The following STAU2 variants were observed in gnomAD, a reference collection of about 807,000 sequenced individuals.
STAU2 encodes the protein double-stranded RNA-binding protein Staufen homolog 2.
Under a neutral mutation model 65.9 loss-of-function variants are expected in STAU2, and 20 were observed. The ratio of observed to expected loss-of-function variants is 0.30; its 90% CI spans 0.21 to 0.44. STAU2 has a LOEUF of 0.44. STAU2 is among the 20% of genes least tolerant of loss of function. The probability of loss-of-function intolerance (pLI) is 1.00; values close to 1 mark genes in which losing one functional copy is unlikely to be tolerated. For synonymous variants in STAU2, 232 were observed against 233.9 expected (o/e 0.99, Z 0.07); for missense variants, 558 against 683.9 (o/e 0.82, Z 2.05).
At chr8:73,692,475 C>T (rs528155202) in intron 4 of STAU2, among the ~76,000 whole-genome samples, 5 of 152,286 alleles carry the variant, frequency 3.3e-5, no homozygotes, top group South Asian at 2.1e-4. Context: ...GGATTACAGG[C>T]GTGAGCCACC....
chr8:73,690,854 G>T (rs1021873382), intron 4 of STAU2, among the ~76,000 whole-genome samples: 1 of 152,064 alleles, frequency 6.6e-6, no homozygotes, highest in African/African-American at 2.4e-5. Flanking sequence ...TTCTAATTCA[G>T]TTTAAAATAT....
chr8:73,692,015 G>C (rs1335171500), intron 4 of STAU2, among the ~76,000 whole-genome samples: 2 of 152,068 alleles, frequency 1.3e-5, no homozygotes, highest in Non-Finnish European at 2.9e-5. Context: ...GAGGAAAGAG[G>C]GGCTGGAGAC....
intron 13 of STAU2, among the ~76,000 whole-genome samples, chr8:73,539,403 T>C (rs888628443): frequency 1.3e-5 from 2 of 152,118 alleles, no homozygotes; most frequent in Admixed American, 1.3e-4. Context: ...AATTAATGAA[T>C]GGATATAAAA....
intron 13 of STAU2, among the ~76,000 whole-genome samples, chr8:73,434,649 C>A (rs1817562335): frequency 6.6e-6 from 1 of 151,800 alleles, no homozygotes. Context: ...GAGGTGAATG[C>A]CTTGACCATA....
At chr8:73,715,861 T>C (rs1821213285) in intron 3 of STAU2, among the ~76,000 whole-genome samples, 3 of 152,146 alleles carry the variant, frequency 2.0e-5, no homozygotes, top group Admixed American at 6.6e-5. Context: ...ATGGGAAAAC[T>C]TTGCAAACTG....
chr8:73,493,633 G>A (rs766766546), intron 13 of STAU2, among the ~76,000 whole-genome samples: 1 of 151,724 alleles, frequency 6.6e-6, no homozygotes, highest in Non-Finnish European at 1.5e-5. Context: ...AGCAAATGTT[G>A]GCAAGGATAT....
intron 13 of STAU2, among the ~76,000 whole-genome samples, chr8:73,487,688 C>T (rs1323276432): frequency 1.3e-5 from 2 of 151,944 alleles, no homozygotes; most frequent in Non-Finnish European, 2.9e-5. Flanking sequence ...CTGTACAAGG[C>T]AATATTGTGG....
intron 13 of STAU2, among the ~76,000 whole-genome samples, chr8:73,460,177 C>A (rs1819278032): frequency 6.6e-6 from 1 of 152,214 alleles, no homozygotes; most frequent in South Asian, 2.1e-4. Context: ...ATGTTTCTGG[C>A]AAAACATTCC....
intron 9 of STAU2, among the ~76,000 whole-genome samples, chr8:73,604,216 T>A (rs1204023283): frequency 6.6e-6 from 1 of 152,000 alleles, no homozygotes; most frequent in African/African-American, 2.4e-5. Flanking sequence ...TGCAACACAT[T>A]ATCATTTTAT....
chr8:73,453,314 T>C (rs1818896399), intron 13 of STAU2, among the ~76,000 whole-genome samples: 1 of 151,792 alleles, frequency 6.6e-6, no homozygotes, highest in African/African-American at 2.4e-5. Flanking sequence ...AATTCACTTG[T>C]AGTAGCATAT....
chr8:73,631,377 TAAA>T (rs1367693947), intron 6 of STAU2, among the ~76,000 whole-genome samples: 3 of 133,310 alleles, frequency 2.3e-5, no homozygotes, highest in African/African-American at 2.8e-5. Flanking sequence ...CCTCATCTCT[TAAA>T]AAAAAAAAAA....
chr8:73,466,445 G>C (rs1195031847), intron 13 of STAU2, among the ~76,000 whole-genome samples: 1 of 152,200 alleles, frequency 6.6e-6, no homozygotes, highest in African/African-American at 2.4e-5. Context: ...TAGGCAGGAT[G>C]AAAGAAATAA....
chr8:73,695,800 G>A (rs1019483381), intron 4 of STAU2, among the ~76,000 whole-genome samples: 2 of 152,168 alleles, frequency 1.3e-5, no homozygotes, highest in African/African-American at 2.4e-5. Context: ...AAAGGGGAGG[G>A]AAGAGTGGGA....
At chr8:73,657,231 G>A (rs1368493134) in intron 6 of STAU2, among the ~76,000 whole-genome samples, 1 of 152,192 alleles carries the variant, frequency 6.6e-6, no homozygotes, top group Non-Finnish European at 1.5e-5. Flanking sequence ...TGCTGTATAT[G>A]TGTGTACATA....
chr8:73,715,021 C>CA (rs1821147180), intron 3 of STAU2, among the ~76,000 whole-genome samples: 1 of 145,338 alleles, frequency 6.9e-6, no homozygotes, highest in Non-Finnish European at 1.5e-5. Context: ...GTGGTGGTTG[C>CA]AAGTGGAACC....
chr8:73,619,334 A>G (rs1034770716), intron 6 of STAU2, among the ~76,000 whole-genome samples: 12 of 152,204 alleles, frequency 7.9e-5, no homozygotes, highest in South Asian at 4.1e-4. Context: ...CAAAATAAAC[A>G]GAATCGATTT....
At chr8:73,452,136 G>A (rs1818833012) in intron 13 of STAU2, among the ~76,000 whole-genome samples, 1 of 152,266 alleles carries the variant, frequency 6.6e-6, no homozygotes, top group Non-Finnish European at 1.5e-5. Context: ...CCAGGGGCTC[G>A]CTTTCTAGTA....
intron 3 of STAU2, among the ~76,000 whole-genome samples, chr8:73,726,552 T>C (rs546563334): frequency 6.6e-6 from 1 of 152,356 alleles, no homozygotes; most frequent in South Asian, 2.1e-4. Context: ...TGCTGTTTTT[T>C]TCTTTAGTCC....
intron 6 of STAU2, among the ~76,000 whole-genome samples, chr8:73,634,738 C>T (rs995165215): frequency 6.6e-6 from 1 of 152,144 alleles, no homozygotes; most frequent in Non-Finnish European, 1.5e-5. Context: ...CACGTTAGGG[C>T]CTTTACAATG....
Sources: allele counts gnomAD v4.1 joint callset (sites outside exome capture counted in the v4.1 genomes callset), GRCh38; gene constraint gnomAD v4.1.1; transcripts MANE v1.5; gene names NCBI Gene and HGNC (gene_info 2026-07-23, HGNC 2026-07-21).